The following LHPP variants were observed in gnomAD, a reference collection of about 807,000 sequenced individuals.
LHPP encodes hLHPP.
Under a neutral mutation model 30.3 loss-of-function variants are expected in LHPP, and 24 were observed. The ratio of observed to expected loss-of-function variants is 0.79; its 90% CI spans 0.57 to 1.11. LHPP has a LOEUF of 1.11. Ranked by LOEUF, LHPP falls within the 50% of genes most tolerant of loss-of-function variation. The pLI is 0.00. For missense variants in LHPP, 356 were observed against 367.2 expected, an observed-to-expected ratio of 0.97 and a Z score of 0.25; for synonymous variants, 150 against 157.1, an observed-to-expected ratio of 0.95 and a Z score of 0.34.
intron 1 of LHPP, among the ~76,000 whole-genome samples, chr10:124,476,884 G>A (rs151190296): frequency 7.9e-4 from 120 of 152,270 alleles, no homozygotes; most frequent in Admixed American, 1.8e-3. Flanking sequence ...TTAGACAGTG[G>A]CTAGCACTGC....
intron 6 of LHPP, among the ~76,000 whole-genome samples, chr10:124,552,282 T>G (rs1199624054): frequency 6.6e-6 from 1 of 152,096 alleles, no homozygotes; most frequent in East Asian, 1.9e-4. Context: ...AGTCTTAGGT[T>G]GAAAAACTAC....
chr10:124,523,386 G>C lies in LHPP; in HGVS notation c.716+6115G>C, dbSNP rs1954656945. ...ACGAGGGGCTGCAGGGTGCATGGCT[G>C]TGGAGCTGGCTGCGTCGGGAGGGAG... is the stretch of plus-strand genomic sequence containing the variant. On this transcript the variant is annotated intron_variant, in intron 6 of 6. Transcript: ENST00000368842. The surrounding 1 kb of genome is among the most constrained non-coding windows in gnomAD (Gnocchi z 4.2). Among the ~76,000 whole-genome samples the C allele has an allele frequency of 6.6e-6, 1 of 152,254 alleles. No homozygotes were observed. Among genetic ancestry groups the C allele is most frequent in the African/African-American group, 2.4e-5 (1 of 41,466 alleles).
Position 124,576,260 on chromosome 10 carries a change from C to A in LHPP, c.717-37004C>A, listed in dbSNP as rs1398678687. On this transcript the variant is annotated intron_variant, in intron 6 of 6. Coordinates refer to ENST00000368842, the MANE Select transcript of LHPP (RefSeq NM_022126.4). This position sits in a 1 kb window ranked among gnomAD's most constrained non-coding sequence, Gnocchi z 4.2. ...AATACAGCTTTCCCAGAAACGTGTT[C>A]AAAGAAAAACCCATTACCAACCCGG... Among the ~76,000 whole-genome samples, 1 of 152,084 alleles carries A rather than the reference C, an allele frequency of 6.6e-6. No individual in the cohort carries two copies. Among genetic ancestry groups the A allele is most frequent in the Non-Finnish European group, 1.5e-5 (1 of 68,004 alleles).
intron 5 of LHPP, among the ~76,000 whole-genome samples, chr10:124,516,063 T>C (rs1342348116): frequency 6.6e-6 from 1 of 152,244 alleles, no homozygotes; most frequent in Non-Finnish European, 1.5e-5. Flanking sequence ...GGGCTCTACC[T>C]GGGTTTCCCT....
At chr10:124,521,189 T>A (rs1564807367) in intron 6 of LHPP, among the ~76,000 whole-genome samples, 1 of 152,178 alleles carries the variant, frequency 6.6e-6, no homozygotes, top group East Asian at 1.9e-4. Flanking sequence ...TGGAATTGCC[T>A]GCGTGGTGCT....
rs76391192 is a variant in LHPP, at chr10:124,601,696, A to C, written c.717-11568A>C. ...GCCACCTGGCTAAACCCAGCCGTAA[A>C]TAAGCCCCGTTTCCTCCCTGTGGAC... On this transcript the variant is annotated intron_variant, in intron 6 of 6. Transcript: ENST00000368842. 8.5e-5 allele frequency among the ~76,000 whole-genome samples: 13 copies of C among 152,348 alleles called. No individual in the cohort carries two copies. In the East Asian group the frequency reaches 2.5e-3, roughly 29 times the overall value.
intron 6 of LHPP, among the ~76,000 whole-genome samples, chr10:124,552,164 G>T (rs58397042): frequency 6.6e-6 from 1 of 152,136 alleles, no homozygotes; most frequent in Non-Finnish European, 1.5e-5. Flanking sequence ...TCCCCACCCT[G>T]GAAGTGAGTT....
intron 1 of LHPP, among the ~76,000 whole-genome samples, chr10:124,474,446 A>C (rs1383682139): frequency 6.6e-6 from 1 of 152,082 alleles, no homozygotes; most frequent in African/African-American, 2.4e-5. Context: ...GGCCATATGA[A>C]GTCTTGTAGT....
Position 124,596,160 on chromosome 10 carries a change from C to T in LHPP, c.717-17104C>T, listed in dbSNP as rs768758874. On this transcript the variant is annotated intron_variant, in intron 6 of 6. Coordinates refer to ENST00000368842, the MANE Select transcript of LHPP (RefSeq NM_022126.4). The surrounding 1 kb of genome is among the most constrained non-coding windows in gnomAD (Gnocchi z 4.6). ...CGATGTGTTTATCATGTCACTGTTG[C>T]TGTCACATGGGCTGTTTCTGGCTTG... 6.6e-6 allele frequency among the ~76,000 whole-genome samples: 1 copy of T among 152,118 alleles called. No homozygotes were observed. The highest frequency in any genetic ancestry group is 1.5e-5 in the Non-Finnish European group (1 of 68,014).
chr10:124,502,425 C>T (rs1953931346), intron 5 of LHPP, among the ~76,000 whole-genome samples: 2 of 151,296 alleles, frequency 1.3e-5, no homozygotes, highest in East Asian at 1.9e-4. Flanking sequence ...AGTGCAGTGG[C>T]GCTGTCTCAG....
At chr10:124,498,155 C>G (rs758965876) in intron 5 of LHPP, 27 bp downstream of exon 5, 1 of 1,407,996 alleles carries the variant, frequency 7.1e-7, no homozygotes, top group South Asian at 1.2e-5. Flanking sequence ...TGAAGTGGGT[C>G]AGGGGAGGCA....
intron 1 of LHPP, 100 bp from the exon 2 acceptor site, chr10:124,484,037 CTG>C (rs1953233580): frequency 8.8e-7 from 1 of 1,136,596 alleles, no homozygotes; most frequent in East Asian, 2.6e-5. Flanking sequence ...CTAGTCTGCT[CTG>C]GGCTTTGCTG....
At chr10:124,524,867 T>TA (rs1205717054) in intron 6 of LHPP, among the ~76,000 whole-genome samples, 1 of 152,232 alleles carries the variant, frequency 6.6e-6, no homozygotes, top group Non-Finnish European at 1.5e-5. Flanking sequence ...TGGTAAAATA[T>TA]ATATAACATA....
chr10:124,543,318 C>T (rs1384638942), intron 6 of LHPP, among the ~76,000 whole-genome samples: 1 of 152,256 alleles, frequency 6.6e-6, no homozygotes, highest in Non-Finnish European at 1.5e-5. Context: ...GTCCTCCAGA[C>T]CCCTAGACAC....
At chr10:124,607,720 G>A (rs1452826520) in intron 6 of LHPP, among the ~76,000 whole-genome samples, 1 of 152,214 alleles carries the variant, frequency 6.6e-6, no homozygotes, top group East Asian at 1.9e-4. Flanking sequence ...ATCATGGGCG[G>A]TGTTTGCTGG....
At position 124,484,313 on chromosome 10, in the gene LHPP, G is replaced by C. The variant is rs746321882; in HGVS notation, c.300G>C (p.Leu100=). The change falls in exon 2 of 7, where the codon CTG becomes CTC. Residue 100 remains leucine (L), a synonymous_variant. Coordinates refer to ENST00000368842, the MANE Select transcript of LHPP (RefSeq NM_022126.4). Reference sequence around the variant, plus strand: ...AGGAGCAAGGCCTGCGACCATACCTGCTCATCCATGACGGTAGGCCTGTCG... The same window carrying C: ...AGGAGCAAGGCCTGCGACCATACCTCCTCATCCATGACGGTAGGCCTGTCG... The part of the protein sequence containing the change: ...ILKEQGLRPY[L]LIHDGVRSEF... The C allele has an allele frequency of 1.9e-6, 3 of 1,612,802 alleles. No homozygotes were observed. The highest frequency in any genetic ancestry group is 2.5e-6 in the Non-Finnish European group (3 of 1,179,150).
At chr10:124,477,829 A>T (rs538493780) in intron 1 of LHPP, among the ~76,000 whole-genome samples, 2 of 152,118 alleles carry the variant, frequency 1.3e-5, no homozygotes, top group African/African-American at 4.8e-5. Flanking sequence ...TGCCAAACTG[A>T]GCCTTTTGAT....
intron 6 of LHPP, among the ~76,000 whole-genome samples, chr10:124,600,415 C>CAGA (rs1265659010): frequency 3.9e-5 from 6 of 152,260 alleles, no homozygotes; most frequent in Non-Finnish European, 8.8e-5. Context: ...CTTCACTGGC[C>CAGA]AGAAACAGGG....
intron 6 of LHPP, among the ~76,000 whole-genome samples, chr10:124,548,525 C>T (rs1429413132): frequency 6.6e-6 from 1 of 152,228 alleles, no homozygotes; most frequent in Non-Finnish European, 1.5e-5. Context: ...GAACGGCAGG[C>T]TGCTCCCCCT....
Sources: allele counts gnomAD v4.1 joint callset (sites outside exome capture counted in the v4.1 genomes callset), GRCh38; gene constraint gnomAD v4.1.1; non-coding constraint Gnocchi (gnomAD v3.1); transcripts MANE v1.5; gene names NCBI Gene and HGNC (gene_info 2026-07-23, HGNC 2026-07-21).